Variants in CAMK2D observed in about 807,000 individuals in gnomAD.
The protein encoded by CAMK2D is calcium/calmodulin-dependent protein kinase type II subunit delta.
A neutral mutation model predicts 84.0 loss-of-function variants in CAMK2D; 37 were observed. The observed-to-expected ratio is 0.44, with a 90% CI of 0.34 to 0.58. CAMK2D has a LOEUF of 0.58. Among genes scored for constraint, CAMK2D ranks in the 20% least tolerant of loss-of-function variants. The pLI, the probability that CAMK2D is intolerant of heterozygous loss-of-function variation, is 0.02. For missense variants in CAMK2D, 448 were observed against 652.5 expected (o/e 0.69, Z 3.41); for synonymous variants, 202 against 212.5 (o/e 0.95, Z 0.43).
At chr4:113,587,206 T>C (rs1395955752) in intron 4 of CAMK2D, among the ~76,000 whole-genome samples, 2 of 152,208 alleles carry the variant, frequency 1.3e-5, no homozygotes, top group African/African-American at 2.4e-5. Flanking sequence ...ATATACCTTA[T>C]GGAGTTACTG....
At chr4:113,554,145 C>T (rs2098648642) in intron 4 of CAMK2D, among the ~76,000 whole-genome samples, 1 of 152,066 alleles carries the variant, frequency 6.6e-6, no homozygotes, top group Non-Finnish European at 1.5e-5. Context: ...GATCCTGGAT[C>T]ACTGGGCTCT....
At chr4:113,489,005 T>C (rs11947514) in intron 16 of CAMK2D, among the ~76,000 whole-genome samples, 91,091 of 151,938 alleles carry the variant, frequency 0.6, 29,153 homozygotes, top group African/African-American at 0.83. Flanking sequence ...ATAGAAGAAA[T>C]ATATAAAAAT....
At chr4:113,483,691 C>G (rs2097730668) in intron 16 of CAMK2D, among the ~76,000 whole-genome samples, 1 of 152,052 alleles carries the variant, frequency 6.6e-6, no homozygotes, top group Non-Finnish European at 1.5e-5. Context: ...TAGGTGTGAG[C>G]CACCGTGCCT....
chr4:113,670,187 C>T lies in CAMK2D; in HGVS notation c.161-8415G>A, dbSNP rs142533917. Among the ~76,000 whole-genome samples, 3 of 152,258 alleles carry T rather than the reference C, an allele frequency of 2.0e-5. No individual in the cohort carries two copies. In the East Asian group the frequency reaches 5.8e-4, roughly 29 times the overall value. On this transcript the variant is annotated intron_variant, in intron 2 of 20. Coordinates refer to ENST00000511664, the MANE Select transcript of CAMK2D (RefSeq NM_001321571.2). ...CTCCCAGCTACTCTGGAGGCTGAGG[C>T]AGGAGAATCGCTTCAACCCAGGAGG...
chr4:113,650,138 A>C lies in CAMK2D; in HGVS notation c.220+11575T>G, dbSNP rs577727546. On this transcript the variant is annotated intron_variant, in intron 3 of 20. Coordinates refer to ENST00000511664, the MANE Select transcript of CAMK2D (RefSeq NM_001321571.2). ...AATTATGTATAGTTTTATTTTTCTT[A>C]TCTTTCATTTTACCTTTCCCCAGAT... Among the ~76,000 whole-genome samples, 3 of 152,304 alleles carry C rather than the reference A, an allele frequency of 2.0e-5. No homozygotes were observed. The South Asian group carries it at 6.2e-4, about 32-fold the overall frequency.
At chr4:113,622,163 GTCA>G (rs2099048994) in intron 3 of CAMK2D, among the ~76,000 whole-genome samples, 1 of 152,132 alleles carries the variant, frequency 6.6e-6, no homozygotes, top group South Asian at 2.1e-4. Flanking sequence ...CAACAAGGCA[GTCA>G]TCCTTTCAAA....
At chr4:113,581,126 C>T (rs894954213) in intron 4 of CAMK2D, among the ~76,000 whole-genome samples, 3 of 151,982 alleles carry the variant, frequency 2.0e-5, no homozygotes, top group Admixed American at 6.6e-5. Context: ...AATTTTCTCA[C>T]AAACAGAATA....
chr4:113,507,341 T>A lies in CAMK2D; in HGVS notation c.984+2297A>T, dbSNP rs745911462. On this transcript the variant is annotated intron_variant, in intron 13 of 20. Transcript: ENST00000511664. ...TCTCGGCTCACTGAAACCTCTGCCT[T>A]CTGGGTTCAAGTGATTCTCCCGCCT... Among the ~76,000 whole-genome samples the A allele has an allele frequency of 1.7e-4, 26 of 152,012 alleles. No homozygotes were observed. The Middle Eastern group carries it at 0.01, about 60-fold the overall frequency.
chr4:113,745,926 C>A (rs763732406), intron 2 of CAMK2D, among the ~76,000 whole-genome samples: 1 of 152,158 alleles, frequency 6.6e-6, no homozygotes, highest in Non-Finnish European at 1.5e-5. Context: ...ACATGCCACA[C>A]GGGGATGGCA....
chr4:113,689,178 G>A (rs1243330846), intron 2 of CAMK2D, among the ~76,000 whole-genome samples: 1 of 152,044 alleles, frequency 6.6e-6, no homozygotes. Flanking sequence ...CCCAGGAGGC[G>A]GAGGCTGCAG....
At chr4:113,721,173 C>T (rs759625385) in intron 2 of CAMK2D, among the ~76,000 whole-genome samples, 54 of 151,974 alleles carry the variant, frequency 3.6e-4, no homozygotes, top group Non-Finnish European at 7.2e-4. Context: ...TAATCATCTG[C>T]GGTAGGCTGT....
chr4:113,743,669 C>T (rs908152256), intron 2 of CAMK2D, among the ~76,000 whole-genome samples: 2 of 152,202 alleles, frequency 1.3e-5, no homozygotes, highest in African/African-American at 4.8e-5. Flanking sequence ...ACAACCTCCT[C>T]ATCTGTGCCC....
chr4:113,579,971 T>C (rs2098800590), intron 4 of CAMK2D, among the ~76,000 whole-genome samples: 2 of 152,218 alleles, frequency 1.3e-5, no homozygotes, highest in African/African-American at 2.4e-5. Flanking sequence ...AACAGTTCCA[T>C]GTCCTACCCA....
chr4:113,709,781 A>ATG (rs2099485886), intron 2 of CAMK2D, among the ~76,000 whole-genome samples: 4 of 125,320 alleles, frequency 3.2e-5, no homozygotes, highest in Admixed American at 8.3e-5. Flanking sequence ...ATATATATAT[A>ATG]TGAGAGACTT....
At chr4:113,496,854 C>T (rs185764019) in intron 16 of CAMK2D, among the ~76,000 whole-genome samples, 190 of 152,200 alleles carry the variant, frequency 1.2e-3, no homozygotes, top group Non-Finnish European at 2.4e-3. Context: ...AAACACTGAA[C>T]AAAATTAGAA....
chr4:113,738,458 G>A (rs17046461), intron 2 of CAMK2D, among the ~76,000 whole-genome samples: 29,929 of 151,974 alleles, frequency 0.2, 5,790 homozygotes, highest in African/African-American at 0.5. Flanking sequence ...GCAGTCTCAT[G>A]TTTCCAGTAG....
chr4:113,534,964 G>A (rs2098479849), intron 7 of CAMK2D, among the ~76,000 whole-genome samples: 1 of 152,154 alleles, frequency 6.6e-6, no homozygotes. Context: ...AACTATATGT[G>A]TCATAGCAGA....
At chr4:113,528,568 C>G (rs148939491) in intron 8 of CAMK2D, among the ~76,000 whole-genome samples, 1 of 152,036 alleles carries the variant, frequency 6.6e-6, no homozygotes, top group Non-Finnish European at 1.5e-5. Context: ...TATGAAATGT[C>G]CCTTATGCTG....
Position 113,761,416 on chromosome 4 carries a change from AGCCAG to A in CAMK2D, c.-353_-349del. ...AGAGGGGGCCGGGAAATGGAAAAAC[AGCCAG>A]GCACGGGACGAGTGGCAAGCAGTTG... is the stretch of plus-strand genomic sequence containing the variant. On this transcript the variant is annotated 5_prime_UTR_variant, in exon 1 of 21. Coordinates refer to ENST00000511664, the MANE Select transcript of CAMK2D (RefSeq NM_001321571.2). 1 of 1,221,620 alleles carries A rather than the reference AGCCAG, an allele frequency of 8.2e-7. No homozygotes were observed. Among genetic ancestry groups the A allele is most frequent in the East Asian group, 4.7e-5 (1 of 21,104 alleles). 75.7% of individuals were successfully genotyped at this position (1,221,620 alleles called of 1,614,324 possible). A position where few individuals can be genotyped will look rare whatever the true frequency, so the allele number is the denominator to read the frequency against.
Sources: gnomAD v4.1 joint callset for allele counts (sites outside exome capture counted in the v4.1 genomes callset) on GRCh38, gnomAD v4.1.1 for gene constraint, MANE v1.5 for transcripts, NCBI Gene and HGNC (gene_info 2026-07-23, HGNC 2026-07-21) for gene names.